The following NSD1 variants were observed in gnomAD, a reference collection of about 807,000 sequenced individuals.
NSD1 encodes histone-lysine N-methyltransferase, H3 lysine-36 specific.
NSD1 carries 26 observed loss-of-function variants against 242.7 expected under a neutral mutation model. The observed-to-expected ratio is 0.11, with a 90% CI of 0.08 to 0.15. The LOEUF (loss-of-function observed/expected upper bound fraction) is 0.15. Among genes scored for constraint, NSD1 ranks in the 10% least tolerant of loss-of-function variants. NSD1 has a pLI of 1.00. For synonymous variants in NSD1, 1,106 were observed against 1,178.1 expected (o/e 0.94, Z 1.25); for missense variants, 2,495 against 3,272.8 (o/e 0.76, Z 5.80).
chr5:177,204,039 C>CGGCAATGAT, intron 3 of NSD1, 81 bp from the exon 4 acceptor site: 1 of 1,319,824 alleles, frequency 7.6e-7, no homozygotes, highest in South Asian at 1.2e-5. Flanking sequence ...TCTTCTTTGG[C>CGGCAATGAT]GGCAATGATG....
Position 177,256,939 on chromosome 5 carries a change from T to G in NSD1, c.4766-12T>G. 6.2e-7 allele frequency: 1 copy of G among 1,610,442 alleles called. No individual in the cohort carries two copies. Among genetic ancestry groups the G allele is most frequent in the Middle Eastern group, 1.6e-4 (1 of 6,062 alleles). ...TGAATTCTTACTAATTTATCTTCTTTTGGCTTCTCAGGAATCCATACCTGT... is the reference window on the plus strand; with the variant it reads ...TGAATTCTTACTAATTTATCTTCTTGTGGCTTCTCAGGAATCCATACCTGT... On this transcript the variant is annotated splice_polypyrimidine_tract_variant and intron_variant, in intron 12 of 22. Transcript: ENST00000439151.
Position 177,266,725 on chromosome 5 carries a change from TC to T in NSD1, c.5147-836del, listed in dbSNP as rs751416009. 4.1e-5 allele frequency: 11 copies of T among 268,812 alleles called. No individual in the cohort carries two copies. The East Asian group carries it at 8.0e-4, about 20-fold the overall frequency. 16.7% of individuals were successfully genotyped at this position (268,812 alleles called of 1,614,324 possible). A position where few individuals can be genotyped will look rare whatever the true frequency, so the allele number is the denominator to read the frequency against. ...CTTTGCTAAGGCTTTACTCCCCACT[TC>T]AGGGTAAAACTTGGAATTACATGTT... On this transcript the variant is annotated intron_variant, in intron 14 of 22. Transcript: ENST00000439151.
chr5:177,192,309 C>A (rs1009377751), intron 3 of NSD1, among the ~76,000 whole-genome samples: 8 of 151,952 alleles, frequency 5.3e-5, no homozygotes, highest in African/African-American at 1.7e-4. Context: ...CTTGTGAGTT[C>A]AAGCGATTCT....
chr5:177,287,859 T>C (rs1217345749), intron 20 of NSD1, among the ~76,000 whole-genome samples: 1 of 152,200 alleles, frequency 6.6e-6, no homozygotes, highest in Non-Finnish European at 1.5e-5. Flanking sequence ...ATTGTGAACA[T>C]ACTTGATAAA....
At chr5:177,276,021 AAGTGAT>A (rs1758354836) in intron 17 of NSD1, among the ~76,000 whole-genome samples, 2 of 152,200 alleles carry the variant, frequency 1.3e-5, no homozygotes, top group South Asian at 4.1e-4. Context: ...TCGTGGGCGC[AAGTGAT>A]TCTCCTGCCT....
intron 16 of NSD1, among the ~76,000 whole-genome samples, chr5:177,270,259 G>A (rs2030760065): frequency 1.3e-5 from 2 of 152,174 alleles, no homozygotes; most frequent in Admixed American, 1.3e-4. Context: ...AAGCATAAAT[G>A]CTCTGAATCA....
At chr5:177,206,087 C>A (rs1386986218) in intron 4 of NSD1, among the ~76,000 whole-genome samples, 3 of 152,138 alleles carry the variant, frequency 2.0e-5, no homozygotes, top group African/African-American at 7.2e-5. Context: ...GCAACCTCTG[C>A]CTCCTGGGTT....
chr5:177,291,816 G>A (rs1759854041), intron 21 of NSD1, 138 bp from the exon 22 acceptor site: 1 of 834,300 alleles, frequency 1.2e-6, no homozygotes, highest in Non-Finnish European at 2.0e-6. Flanking sequence ...GATGTACCAG[G>A]TACCTTTCCT....
At chr5:177,207,120 A>G (rs1562200774) in intron 4 of NSD1, among the ~76,000 whole-genome samples, 2 of 151,890 alleles carry the variant, frequency 1.3e-5, no homozygotes, top group Non-Finnish European at 2.9e-5. Flanking sequence ...TATTTTTAGT[A>G]GAGACAGGGT....
chr5:177,185,393 T>C (rs1038309434), intron 2 of NSD1, among the ~76,000 whole-genome samples: 3 of 151,218 alleles, frequency 2.0e-5, no homozygotes, highest in African/African-American at 7.3e-5. Flanking sequence ...AGGTCAGGAG[T>C]TCGAGACCAG....
At chr5:177,167,731 G>T (rs979211075) in intron 2 of NSD1, among the ~76,000 whole-genome samples, 2 of 152,110 alleles carry the variant, frequency 1.3e-5, no homozygotes, top group Admixed American at 1.3e-4. Context: ...TTTACTTAGA[G>T]TTTTTGAACT....
rs924930254 is a variant in NSD1, at chr5:177,257,233, T to C, written c.4966+82T>C. The C allele has an allele frequency of 2.9e-3, 3,077 of 1,051,968 alleles. 2 individuals carry two copies. Among genetic ancestry groups the C allele is most frequent in the Middle Eastern group, 0.013 (54 of 4,246 alleles). The allele number at this position is 1,051,968 out of a possible 1,614,324, so 65.2% of individuals were successfully genotyped here. ...AGATATTTTCTTTTTTCTTTCTTTT[T>C]TTTTTTTTTTTTTTGGAGACAGAGT... On this transcript the variant is annotated intron_variant, in intron 13 of 22. Transcript: ENST00000439151.
At chr5:177,187,032 C>CA (rs1231428188) in intron 2 of NSD1, among the ~76,000 whole-genome samples, 1 of 149,986 alleles carries the variant, frequency 6.7e-6, no homozygotes, top group Non-Finnish European at 1.5e-5. Context: ...ATTTCTAATG[C>CA]AAAAAACATG....
chr5:177,227,125 A>G (rs1244234418), intron 5 of NSD1, among the ~76,000 whole-genome samples: 2 of 152,222 alleles, frequency 1.3e-5, no homozygotes, highest in Non-Finnish European at 2.9e-5. Flanking sequence ...AATAACATGG[A>G]AAGATGGGGA....
intron 12 of NSD1, among the ~76,000 whole-genome samples, chr5:177,252,819 C>G (rs1756112939): frequency 7.5e-6 from 1 of 133,116 alleles, no homozygotes; most frequent in Non-Finnish European, 1.6e-5. Flanking sequence ...TTTTTCTTAG[C>G]ATGATGTGTA....
chr5:177,146,653 T>C (rs952730037), intron 2 of NSD1, among the ~76,000 whole-genome samples: 4 of 152,154 alleles, frequency 2.6e-5, no homozygotes, highest in Non-Finnish European at 5.9e-5. Flanking sequence ...TGTGTGTATA[T>C]TAAGTTCTTT....
rs138767625 is a variant in NSD1 at position 177,247,057 on chromosome 5, C to T, written c.4497+261C>T. On this transcript the variant is annotated intron_variant, in intron 10 of 22. Coordinates refer to ENST00000439151, the MANE Select transcript of NSD1 (RefSeq NM_022455.5). ...CCAATCAGGTATATAAGTGTTTCAT[C>T]GTTAAGTAAACTTGTAAAACCGGAG... 1.1e-3 allele frequency among the ~76,000 whole-genome samples: 160 copies of T among 152,286 alleles called. 1 individual carries two copies. The highest frequency in any genetic ancestry group is 3.8e-3 in the African/African-American group (157 of 41,560).
At chr5:177,216,853 T>A (rs907182873) in intron 5 of NSD1, among the ~76,000 whole-genome samples, 2 of 151,986 alleles carry the variant, frequency 1.3e-5, no homozygotes, top group Non-Finnish European at 2.9e-5. Flanking sequence ...TCTGTTCCAT[T>A]GACTTACATG....
intron 17 of NSD1, among the ~76,000 whole-genome samples, chr5:177,276,794 TA>T (rs1262941123): frequency 6.6e-6 from 1 of 152,102 alleles, no homozygotes; most frequent in Non-Finnish European, 1.5e-5. Context: ...TTAAATGTCA[TA>T]AAATATCCAT....
Sources: allele counts gnomAD v4.1 joint callset (sites outside exome capture counted in the v4.1 genomes callset), GRCh38; gene constraint gnomAD v4.1.1; transcripts MANE v1.5; gene names NCBI Gene and HGNC (gene_info 2026-07-23, HGNC 2026-07-21).